SLC26A5: variants seen among roughly 807,000 people sequenced by gnomAD.
SLC26A5 encodes prestin.
In SLC26A5, 51 loss-of-function variants were observed where a neutral mutation model predicts 81.0. That is an observed-to-expected ratio of 0.63 (90% CI 0.50 to 0.80). SLC26A5 has a LOEUF of 0.80. Among genes scored for constraint, SLC26A5 ranks in the 30% least tolerant of loss-of-function variants. The pLI, the probability that SLC26A5 is intolerant of heterozygous loss-of-function variation, is 0.00. For missense variants in SLC26A5, 771 were observed against 905.8 expected (o/e 0.85, Z 1.91); for synonymous variants, 325 against 332.8 (o/e 0.98, Z 0.25).
chr7:103,432,035 C>T (rs1191445377), intron 2 of SLC26A5, among the ~76,000 whole-genome samples: 2 of 152,132 alleles, frequency 1.3e-5, no homozygotes, highest in Non-Finnish European at 2.9e-5. Context: ...TGTGTCTCAA[C>T]CTCTTGAGTA....
At chr7:103,353,915 T>C (rs1345613685) in intron 19 of SLC26A5, 11 of 1,603,218 alleles carry the variant, frequency 6.9e-6, no homozygotes, top group Non-Finnish European at 9.4e-6. Flanking sequence ...GTCTCTCTTC[T>C]TTCAGCTCTG....
At chr7:103,387,321 T>C (rs573518914) in intron 14 of SLC26A5, among the ~76,000 whole-genome samples, 2 of 152,344 alleles carry the variant, frequency 1.3e-5, no homozygotes, top group Non-Finnish European at 2.9e-5. Context: ...GGGAGCATCC[T>C]GACCTCCTGC....
intron 2 of SLC26A5, among the ~76,000 whole-genome samples, chr7:103,440,910 A>G (rs1826826890): frequency 6.6e-6 from 1 of 152,218 alleles, no homozygotes; most frequent in Admixed American, 6.5e-5. Context: ...GGATTGGCCA[A>G]TGCTGGATTA....
At chr7:103,421,277 CCAAA>C in intron 3 of SLC26A5, 82 bp downstream of exon 3, 1 of 1,465,650 alleles carries the variant, frequency 6.8e-7, no homozygotes, top group South Asian at 1.2e-5. Context: ...CTCCACTTCA[CCAAA>C]CAGATTTTCT....
intron 5 of SLC26A5, among the ~76,000 whole-genome samples, chr7:103,411,996 G>GT (rs1269296567): frequency 1.3e-5 from 2 of 152,138 alleles, no homozygotes; most frequent in African/African-American, 4.8e-5. Flanking sequence ...GTCACCATGT[G>GT]TAAGAAAGCT....
At chr7:103,365,980 T>G in intron 19 of SLC26A5, 2 of 964,838 alleles carry the variant, frequency 2.1e-6, no homozygotes, top group South Asian at 1.5e-5. Flanking sequence ...AGAATACTGT[T>G]AGGAATAAAT....
chr7:103,404,831 G>T (rs1458029172), intron 8 of SLC26A5, among the ~76,000 whole-genome samples: 4 of 152,038 alleles, frequency 2.6e-5, no homozygotes, highest in African/African-American at 7.2e-5. Context: ...TCAAACGTAG[G>T]TTTGGTCTTT....
In SLC26A5 at chr7:103,376,847, C is replaced by T; in HGVS notation, c.2002G>A (p.Gly668Arg). The T allele has an allele frequency of 3.1e-6, 5 of 1,602,280 alleles. No individual in the cohort carries two copies. Among genetic ancestry groups the T allele is most frequent in the Non-Finnish European group, 4.3e-6 (5 of 1,169,690 alleles). ...KTLAGIVKEY[G>R]DVGIYVYLAG... ...AAGTATACATATATACCGACGTCTC[C>T]ATATTCTTTTACAATCTGTAATAAT... The change falls in exon 19 of 20, where the codon GGA (glycine) becomes AGA (arginine). Residue 668 changes from glycine to arginine, a missense_variant. Transcript: ENST00000306312.
At chr7:103,363,523 A>T (rs1820529448) in intron 19 of SLC26A5, 4 of 1,185,488 alleles carry the variant, frequency 3.4e-6, no homozygotes, top group Non-Finnish European at 3.7e-6. Context: ...TGTATATTAG[A>T]TGGCTTTTAA....
chr7:103,385,854 C>T, intron 14 of SLC26A5, among the ~76,000 whole-genome samples: 1 of 151,564 alleles, frequency 6.6e-6, no homozygotes, highest in Admixed American at 6.6e-5. Context: ...GTGTGCACCA[C>T]CATGCCCAGT....
At chr7:103,384,178 CTTA>C (rs1822009278) in intron 14 of SLC26A5, among the ~76,000 whole-genome samples, 2 of 151,946 alleles carry the variant, frequency 1.3e-5, no homozygotes, top group African/African-American at 2.4e-5. Flanking sequence ...GAGGCATGGT[CTTA>C]TTATGTTGTC....
chr7:103,411,526 T>C lies in SLC26A5; in HGVS notation c.464A>G (p.Asp155Gly), dbSNP rs1824485509. ...GGVAVRLVPD[D>G]IVIPGGVNAT... ...ATTTACTCCTCCTGGAATGACTATA[T>C]CATCTGGTACTAATCGAACAGCTAC... is the stretch of plus-strand genomic sequence containing the variant. Residue 155 changes from aspartate (D) to glycine (G), a missense_variant, in exon 6 of 20, where the codon GAT becomes GGT. Transcript: ENST00000306312. 2 of 1,614,008 alleles carry C rather than the reference T, an allele frequency of 1.2e-6. No individual in the cohort carries two copies. Among genetic ancestry groups the C allele is most frequent in the African/African-American group, 2.7e-5 (2 of 74,912 alleles).
intron 8 of SLC26A5, among the ~76,000 whole-genome samples, chr7:103,403,981 G>A (rs1446329877): frequency 3.3e-5 from 5 of 152,082 alleles, no homozygotes; most frequent in African/African-American, 9.7e-5. Flanking sequence ...TCAGGAGTTC[G>A]AGACCAGCCT....
Position 103,378,363 on chromosome 7 carries a change from T to C in SLC26A5, c.1785+83A>G, listed in dbSNP as rs543589341. The C allele has an allele frequency of 2.3e-6, 3 of 1,322,528 alleles. No individual in the cohort carries two copies. In the African/African-American group the frequency reaches 4.3e-5, roughly 19 times the overall value. The allele number at this position is 1,322,528 out of a possible 1,614,324, so 81.9% of individuals were successfully genotyped here. A position where few individuals can be genotyped will look rare whatever the true frequency, so the allele number is the denominator to read the frequency against. ...TTCCTCTTTTAGTAACTTCGTGCTG[T>C]GTTTAAACTTCAGTCATGAGTAAAG... On this transcript the variant is annotated intron_variant, in intron 17 of 19. Transcript: ENST00000306312.
At chr7:103,358,322 G>A (rs1820160309) in intron 19 of SLC26A5, among the ~76,000 whole-genome samples, 1 of 151,952 alleles carries the variant, frequency 6.6e-6, no homozygotes, top group Admixed American at 6.6e-5. Context: ...CCTTGGTGTT[G>A]GTCTGTTTTC....
Position 103,379,677 on chromosome 7 carries a change from G to C in SLC26A5, c.1585-342C>G, listed in dbSNP as rs73712315. 6.7e-3 allele frequency among the ~76,000 whole-genome samples: 1,018 copies of C among 152,200 alleles called. 10 individuals are homozygous for C. Among genetic ancestry groups the C allele is most frequent in the African/African-American group, 0.023 (956 of 41,524 alleles). ...AATACTCAAAAACAGAAAAGAAAAT[G>C]GACAGGAGATGGAAGGCTGCTGCCC... On this transcript the variant is annotated intron_variant, in intron 15 of 19. Coordinates refer to ENST00000306312, the MANE Select transcript of SLC26A5 (RefSeq NM_198999.3).
chr7:103,436,587 G>C (rs924522063), intron 2 of SLC26A5, among the ~76,000 whole-genome samples: 1 of 152,154 alleles, frequency 6.6e-6, no homozygotes, highest in Non-Finnish European at 1.5e-5. Flanking sequence ...GACAGAAGTG[G>C]ACAAGGTGTC....
At chr7:103,397,784 A>G (rs561080408) in intron 9 of SLC26A5, 148 bp downstream of exon 9, 1 of 645,580 alleles carries the variant, frequency 1.5e-6, no homozygotes, top group Admixed American at 2.9e-5. Context: ...AAATAAAAAT[A>G]AAATGCACCC....
At chr7:103,420,993 T>C (rs1015920302) in intron 3 of SLC26A5, 116 bp from the exon 4 acceptor site, 8 of 1,173,578 alleles carry the variant, frequency 6.8e-6, no homozygotes, top group South Asian at 6.5e-5. Context: ...AAATTTCCAA[T>C]TGGTGATTCA....
Sources: allele counts gnomAD v4.1 joint callset (sites outside exome capture counted in the v4.1 genomes callset), GRCh38; gene constraint gnomAD v4.1.1; transcripts MANE v1.5; gene names NCBI Gene and HGNC (gene_info 2026-07-23, HGNC 2026-07-21).